The following PI4K2A variants were observed in gnomAD, a reference collection of about 807,000 sequenced individuals.
PI4K2A encodes phosphatidylinositol 4-kinase type 2-alpha.
A neutral mutation model predicts 55.0 loss-of-function variants in PI4K2A; 20 were observed. That is an observed-to-expected ratio of 0.36 (90% CI 0.26 to 0.53). The LOEUF is 0.53. PI4K2A is among the 20% of genes least tolerant of loss of function. PI4K2A has a pLI of 0.91. For synonymous variants in PI4K2A, 235 were observed against 258.5 expected, an observed-to-expected ratio of 0.91 and a Z score of 0.87; for missense variants, 463 against 637.1, an observed-to-expected ratio of 0.73 and a Z score of 2.94.
intron 8 of PI4K2A, among the ~76,000 whole-genome samples, chr10:97,667,356 C>A (rs2041614976): frequency 6.6e-6 from 1 of 152,020 alleles, no homozygotes; most frequent in Admixed American, 6.6e-5. Context: ...ATTACAGGCG[C>A]ATGTCACAAC....
chr10:97,641,080 T>C (rs1487068333), exon 1 of PI4K2A: 4 of 1,608,236 alleles, frequency 2.5e-6, no homozygotes, highest in Non-Finnish European at 2.5e-6. Context: ...TTCGAGGCGG[T>C]GGTGCGGCAG....
exon 9 of PI4K2A, chr10:97,674,315 A>G (rs2135765518): frequency 6.6e-6 from 1 of 152,404 alleles, no homozygotes; most frequent in East Asian, 1.9e-4. Context: ...GGTTTTTGCC[A>G]AGCCTCCTCC....
Position 97,666,987 on chromosome 10 carries a change from T to C in PI4K2A, c.1219-74T>C. On this transcript the variant is annotated intron_variant, in intron 7 of 8. Coordinates refer to ENST00000370631, the Ensembl canonical transcript of PI4K2A. ...TGCAGGTTTTCCTTCTTAGAAAGTT[T>C]CTAACTGGGGGAGAAAATGGGTTCC... 2.5e-6 allele frequency: 3 copies of C among 1,193,838 alleles called. No homozygotes were observed. The South Asian group carries it at 3.8e-5, about 15-fold the overall frequency. 74.0% of individuals were successfully genotyped at this position (1,193,838 alleles called of 1,614,324 possible). A position where few individuals can be genotyped will look rare whatever the true frequency, so the allele number is the denominator to read the frequency against.
rs75894121 is a variant in PI4K2A at position 97,654,321 on chromosome 10, T to C, written c.637-1964T>C. 4.6e-5 allele frequency among the ~76,000 whole-genome samples: 7 copies of C among 152,316 alleles called. No homozygotes were observed. The East Asian group carries it at 1.3e-3, about 29-fold the overall frequency. On this transcript the variant is annotated intron_variant, in intron 2 of 8. Transcript: ENST00000370631. ...CAAGGTAGCCTTAGGAAAGCTCTTTTTCCTTCATTCCTATGCCTGAGTTTT... is the reference window on the plus strand; with the variant it reads ...CAAGGTAGCCTTAGGAAAGCTCTTTCTCCTTCATTCCTATGCCTGAGTTTT...
Position 97,645,394 on chromosome 10 carries a change from G to A in PI4K2A, c.435+4217G>A, listed in dbSNP as rs149725792. Among the ~76,000 whole-genome samples the A allele has an allele frequency of 3.0e-3, 459 of 152,160 alleles. 3 individuals carry two copies. The highest frequency in any genetic ancestry group is 0.011 in the African/African-American group (448 of 41,514). ...GAGGCTGAAGCGGGCGGATCACAAG[G>A]TCAGGAGATAGAGACCATCCTGGTT... On this transcript the variant is annotated intron_variant, in intron 1 of 8. Coordinates refer to ENST00000370631, the Ensembl canonical transcript of PI4K2A.
intron 2 of PI4K2A, 117 bp downstream of exon 2, chr10:97,651,258 G>T: frequency 1.4e-6 from 1 of 693,730 alleles, no homozygotes; most frequent in Non-Finnish European, 2.5e-6. Context: ...CCCTAAGTCT[G>T]GGTTCTCGAT....
intron 4 of PI4K2A, among the ~76,000 whole-genome samples, chr10:97,660,685 T>C (rs2041578197): frequency 6.6e-6 from 1 of 151,942 alleles, no homozygotes; most frequent in East Asian, 1.9e-4. Flanking sequence ...TTTACCATAA[T>C]CATTATAAAA....
At chr10:97,652,783 A>T (rs1280711301) in intron 2 of PI4K2A, among the ~76,000 whole-genome samples, 1 of 152,230 alleles carries the variant, frequency 6.6e-6, no homozygotes, top group African/African-American at 2.4e-5. Flanking sequence ...GAAGTCAGAG[A>T]CCACTTCTCA....
intron 5 of PI4K2A, 57 bp downstream of exon 5, chr10:97,663,025 C>T (rs1400255360): frequency 8.7e-7 from 1 of 1,150,838 alleles, no homozygotes; most frequent in East Asian, 2.3e-5. Context: ...AATATAGAAA[C>T]ACATAAAATG....
chr10:97,640,739 A>G, exon 1 of PI4K2A: 1 of 1,492,558 alleles, frequency 6.7e-7, no homozygotes. Flanking sequence ...CGGCTGTCTG[A>G]GGGATGGACG....
Position 97,656,498 on chromosome 10 carries a change from C to A in PI4K2A, c.768+82C>A. 2 of 1,332,964 alleles carry A rather than the reference C, an allele frequency of 1.5e-6. No individual in the cohort carries two copies. Among genetic ancestry groups the A allele is most frequent in the Non-Finnish European group, 2.1e-6 (2 of 940,286 alleles). 82.6% of individuals were successfully genotyped at this position (1,332,964 alleles called of 1,614,324 possible). A position where few individuals can be genotyped will look rare whatever the true frequency, so the allele number is the denominator to read the frequency against. On this transcript the variant is annotated intron_variant, in intron 3 of 8. Coordinates refer to ENST00000370631, the Ensembl canonical transcript of PI4K2A. The surrounding 1 kb of genome is among the most constrained non-coding windows in gnomAD (Gnocchi z 4.5). ...AAGTGGTGAAGCAAGGTGCCTACAA[C>A]TCAAATATGGGCACGTGAATAACCT...
rs184615614 is a variant in PI4K2A at position 97,651,134 on chromosome 10, G to A, written c.629G>A (p.Arg210His). The change falls in exon 2 of 9, where the codon CGT becomes CAT. Residue 210 changes from arginine (R) to histidine (H), a missense_variant. Coordinates refer to ENST00000370631, the Ensembl canonical transcript of PI4K2A. ...AAACTGGAACTCAACATTGTTCCCC[G>A]TACAAAGGTCAGTGACCCATCTCCA... 41 of 1,611,590 alleles carry A rather than the reference G, an allele frequency of 2.5e-5. No homozygotes were observed. The South Asian group carries it at 2.9e-4, about 11-fold the overall frequency.
chr10:97,657,842 TTTG>T (rs746154606), intron 4 of PI4K2A, among the ~76,000 whole-genome samples: 25 of 106,452 alleles, frequency 2.3e-4, no homozygotes, highest in Non-Finnish European at 4.9e-4. Context: ...CAGAGCTCTT[TTTG>T]TTGTTGTTGA....
intron 2 of PI4K2A, among the ~76,000 whole-genome samples, chr10:97,653,788 G>T (rs188453652): frequency 1.3e-5 from 2 of 152,126 alleles, no homozygotes; most frequent in Non-Finnish European, 2.9e-5. Flanking sequence ...ATGGTGGTGC[G>T]TGCCTGTAAT....
chr10:97,669,847 G>C (rs2041627131), intron 8 of PI4K2A, among the ~76,000 whole-genome samples: 1 of 152,148 alleles, frequency 6.6e-6, no homozygotes, highest in Non-Finnish European at 1.5e-5. Flanking sequence ...CAACTTAAAG[G>C]CTTCTCACCG....
At chr10:97,667,797 G>C (rs1236310184) in intron 8 of PI4K2A, among the ~76,000 whole-genome samples, 1 of 152,194 alleles carries the variant, frequency 6.6e-6, no homozygotes, top group African/African-American at 2.4e-5. Context: ...CTGTGGCCTG[G>C]GGCAAAAGCC....
At position 97,642,829 on chromosome 10, in the gene PI4K2A, TCC is replaced by T. The variant is rs2041478869; in HGVS notation, c.435+1653_435+1654del. On this transcript the variant is annotated intron_variant, in intron 1 of 8. Transcript: ENST00000370631. ...TTTCTTCCTTCCTTCCTTCCTTCCTTCCTTCCTTCCTTCCTTCCTTCCTTTCT... is the reference window on the plus strand; with the variant it reads ...TTTCTTCCTTCCTTCCTTCCTTCCTTTTCCTTCCTTCCTTCCTTCCTTTCT... 8.2e-3 allele frequency among the ~76,000 whole-genome samples: 34 copies of T among 4,164 alleles called. 2 individuals are homozygous for T. In the South Asian group the frequency reaches 0.18, roughly 22 times the overall value. 2.7% of individuals were successfully genotyped at this position (4,164 alleles called of 152,430 possible).
chr10:97,662,788 G>A (rs2041592002), intron 4 of PI4K2A, 119 bp from the exon 5 acceptor site: 2 of 732,648 alleles, frequency 2.7e-6, no homozygotes, highest in Non-Finnish European at 5.0e-6. Context: ...ATTTTATCCA[G>A]CATTTGTAGT....
At chr10:97,674,029 C>T in exon 9 of PI4K2A, 1 of 359,584 alleles carries the variant, frequency 2.8e-6, no homozygotes, top group Non-Finnish European at 5.1e-6. Context: ...CAGGCTGGGA[C>T]AGTCCCTTCC....
Sources: allele counts gnomAD v4.1 joint callset (sites outside exome capture counted in the v4.1 genomes callset), GRCh38; gene constraint gnomAD v4.1.1; non-coding constraint Gnocchi (gnomAD v3.1); transcripts MANE v1.5; gene names NCBI Gene and HGNC (gene_info 2026-07-23, HGNC 2026-07-21).